The following TACC2 variants were observed in gnomAD, a reference collection of about 807,000 sequenced individuals.
TACC2 encodes the protein transforming acidic coiled-coil-containing protein 2.
TACC2 carries 137 observed loss-of-function variants against 227.3 expected under a neutral mutation model. The observed-to-expected ratio is 0.60, with a 90% CI of 0.52 to 0.69. The LOEUF is 0.69. TACC2 is among the 30% of genes least tolerant of loss of function. The probability of loss-of-function intolerance (pLI) is 0.00; values close to 1 mark genes in which losing one functional copy is unlikely to be tolerated. For missense variants in TACC2, 3,470 were observed against 3,694.4 expected, an observed-to-expected ratio of 0.94 and a Z score of 1.57; for synonymous variants, 1,523 against 1,487.5, an observed-to-expected ratio of 1.02 and a Z score of -0.55.
chr10:122,007,994 C>T (rs1379710084), intron 1 of TACC2, among the ~76,000 whole-genome samples: 4 of 152,152 alleles, frequency 2.6e-5, no homozygotes, highest in African/African-American at 9.7e-5. Flanking sequence ...GCAGAGAGTC[C>T]TCCCACCAGC....
At chr10:122,189,555 C>T (rs1405639344) in intron 7 of TACC2, among the ~76,000 whole-genome samples, 2 of 152,228 alleles carry the variant, frequency 1.3e-5, no homozygotes, top group East Asian at 3.8e-4. Flanking sequence ...TTGGCCTGCA[C>T]TGTGTTCTTT....
chr10:122,211,732 A>AAGGATCAG (rs751324554), intron 9 of TACC2, 24 bp downstream of exon 9: 1 of 1,526,048 alleles, frequency 6.6e-7, no homozygotes, highest in South Asian at 1.3e-5. Flanking sequence ...TGGAGGTGGT[A>AAGGATCAG]AGGATCAGAG....
At chr10:122,011,558 C>T (rs1335702425) in intron 1 of TACC2, among the ~76,000 whole-genome samples, 1 of 152,134 alleles carries the variant, frequency 6.6e-6, no homozygotes, top group East Asian at 1.9e-4. Context: ...TTGATCTCTT[C>T]ACCTCGTGAT....
At chr10:122,093,845 T>G (rs781771269) in intron 5 of TACC2, among the ~76,000 whole-genome samples, 7 of 152,232 alleles carry the variant, frequency 4.6e-5, no homozygotes, top group African/African-American at 1.2e-4. Context: ...TAATTTGAAA[T>G]GTATTTCTTC....
At chr10:122,123,452 G>A (rs1343802853) in intron 5 of TACC2, among the ~76,000 whole-genome samples, 6 of 152,094 alleles carry the variant, frequency 3.9e-5, no homozygotes, top group Admixed American at 3.9e-4. Context: ...TGCTTACCCC[G>A]AGGGACCTGG....
chr10:122,008,205 T>C lies in TACC2; in HGVS notation c.-45-13732T>C, dbSNP rs1367537821. 2.6e-5 allele frequency among the ~76,000 whole-genome samples: 4 copies of C among 151,960 alleles called. No homozygotes were observed. The East Asian group carries it at 7.7e-4, about 29-fold the overall frequency. On this transcript the variant is annotated intron_variant, in intron 1 of 22. Transcript: ENST00000369005. ...GCCTTTTTTTTCCCCCTAGAAGCCA[T>C]GCATTTTGAAGGCTGTCCTTTGAAT...
At position 122,143,595 on chromosome 10, in the gene TACC2, C is replaced by G. The variant is rs200169711; in HGVS notation, c.5723C>G (p.Ala1908Gly). The change falls in exon 7 of 23, where the codon GCG becomes GGG. Residue 1908 changes from alanine to glycine, a missense_variant. This residue lies in a region of TACC2 where 1,924 missense variants were observed against 1,978.3 expected (regional missense o/e 0.97). Coordinates refer to ENST00000369005, the MANE Select transcript of TACC2 (RefSeq NM_206862.4). Reference protein sequence around the residue: ...AQSISPAAAHAGLPPSAAEHI... With the variant: ...AQSISPAAAHGGLPPSAAEHI... The stretch of plus-strand genomic sequence containing the variant: ...AGCATCTCCCCAGCTGCTGCCCATG[C>G]GGGTCTTCCTCCCTCGGCTGCAGAA... The G allele has an allele frequency of 6.2e-7, 1 of 1,613,956 alleles. No individual in the cohort carries two copies. Among genetic ancestry groups the G allele is most frequent in the East Asian group, 2.2e-5 (1 of 44,892 alleles).
chr10:122,073,126 A>AAAAAAATAT (rs1383487943), intron 3 of TACC2, among the ~76,000 whole-genome samples: 8 of 71,018 alleles, frequency 1.1e-4, no homozygotes, highest in East Asian at 7.5e-4. Flanking sequence ...AAAAAAAAAA[A>AAAAAAATAT]ATATATATAT....
chr10:122,114,658 G>A (rs1286524629), intron 5 of TACC2, among the ~76,000 whole-genome samples: 1 of 152,202 alleles, frequency 6.6e-6, no homozygotes, highest in African/African-American at 2.4e-5. Flanking sequence ...AAATGCCACA[G>A]CAACTCAGCT....
At chr10:122,000,312 G>T (rs554854341) in intron 1 of TACC2, among the ~76,000 whole-genome samples, 11 of 152,336 alleles carry the variant, frequency 7.2e-5, no homozygotes, top group Admixed American at 4.6e-4. Flanking sequence ...CCAGGAGGCA[G>T]AGCTTGCAGT....
chr10:122,227,674 G>A (rs1016283703), intron 13 of TACC2, among the ~76,000 whole-genome samples, 163 bp from the exon 14 acceptor site: 2 of 152,186 alleles, frequency 1.3e-5, no homozygotes, highest in African/African-American at 4.8e-5. Context: ...TGGTCCTGGG[G>A]TGACTGCCCA....
intron 7 of TACC2, among the ~76,000 whole-genome samples, chr10:122,161,676 A>G (rs554036691): frequency 1.3e-5 from 2 of 152,364 alleles, no homozygotes; most frequent in South Asian, 4.1e-4. Context: ...GTGCTTTTGC[A>G]CCTCATCTGA....
intron 22 of TACC2, among the ~76,000 whole-genome samples, chr10:122,253,608 A>T (rs2096289183): frequency 6.6e-6 from 1 of 152,146 alleles, no homozygotes; most frequent in African/African-American, 2.4e-5. Context: ...CGAGGGGTTT[A>T]CCCCAGACGC....
chr10:122,215,664 G>A (rs1451884981), intron 10 of TACC2, among the ~76,000 whole-genome samples: 2 of 152,110 alleles, frequency 1.3e-5, no homozygotes, highest in African/African-American at 4.8e-5. Flanking sequence ...GTGGGAAGAC[G>A]TTCAGGAAAA....
intron 8 of TACC2, among the ~76,000 whole-genome samples, chr10:122,203,486 C>A (rs539408846): frequency 0.02 from 2,754 of 139,422 alleles, 93 homozygotes; most frequent in African/African-American, 0.072. Context: ...CCAGACGGGG[C>A]GGCTGCCGGG....
At chr10:122,234,919 C>T (rs2095828308) in intron 16 of TACC2, among the ~76,000 whole-genome samples, 1 of 152,080 alleles carries the variant, frequency 6.6e-6, no homozygotes, top group African/African-American at 2.4e-5. Context: ...AACCTTGTGC[C>T]CCAGTCTCTG....
chr10:122,046,714 T>C (rs185973553), intron 2 of TACC2, among the ~76,000 whole-genome samples: 1 of 152,146 alleles, frequency 6.6e-6, no homozygotes, highest in African/African-American at 2.4e-5. Flanking sequence ...TTATTTGTCT[T>C]CTTTCCAGAA....
At chr10:122,028,262 G>A (rs1958358012) in intron 2 of TACC2, among the ~76,000 whole-genome samples, 1 of 151,050 alleles carries the variant, frequency 6.6e-6, no homozygotes, top group Non-Finnish European at 1.5e-5. Flanking sequence ...GCTAATTTTT[G>A]TACTTTTAGT....
rs531990899 is a variant in TACC2 at position 122,115,458 on chromosome 10, T to C, written c.5574-17151T>C. On this transcript the variant is annotated intron_variant, in intron 5 of 22. Transcript: ENST00000369005. The stretch of plus-strand genomic sequence containing the variant: ...GGAACTGCTATTAGGAGGATATTTT[T>C]GGTTGTCCCAGTGACTGGGGAGGAT... Among the ~76,000 whole-genome samples the C allele has an allele frequency of 5.9e-5, 9 of 152,296 alleles. No individual in the cohort carries two copies. The South Asian group carries it at 1.7e-3, about 28-fold the overall frequency.
Sources: allele counts gnomAD v4.1 joint callset (sites outside exome capture counted in the v4.1 genomes callset), GRCh38; gene constraint gnomAD v4.1.1; regional missense constraint gnomAD v4.1.1; transcripts MANE v1.5; gene names NCBI Gene and HGNC (gene_info 2026-07-23, HGNC 2026-07-21).